The following ST6GALNAC3 variants were observed in gnomAD, a reference collection of about 807,000 sequenced individuals.
ST6GALNAC3 encodes alpha-N-acetylgalactosaminide alpha-2,6-sialyltransferase 3.
ST6GALNAC3 carries 25 observed loss-of-function variants against 32.7 expected under a neutral mutation model. The observed-to-expected ratio is 0.76, with a 90% confidence interval of 0.56 to 1.07. ST6GALNAC3 has a LOEUF of 1.07. ST6GALNAC3 is among the 50% of genes least tolerant of loss of function. The pLI, the probability that ST6GALNAC3 is intolerant of heterozygous loss-of-function variation, is 0.00. For synonymous variants in ST6GALNAC3, 129 were observed against 133.1 expected, an observed-to-expected ratio of 0.97 and a Z score of 0.21; for missense variants, 355 against 382.4, an observed-to-expected ratio of 0.93 and a Z score of 0.60.
At chr1:76,621,384 A>G (rs1387843973) in intron 3 of ST6GALNAC3, among the ~76,000 whole-genome samples, 2 of 151,998 alleles carry the variant, frequency 1.3e-5, no homozygotes, top group African/African-American at 4.8e-5. Context: ...TGATGTTTTT[A>G]TTTATTTGAA....
At chr1:76,242,153 G>T (rs1405979137) in intron 1 of ST6GALNAC3, among the ~76,000 whole-genome samples, 1 of 152,074 alleles carries the variant, frequency 6.6e-6, no homozygotes, top group Non-Finnish European at 1.5e-5. Flanking sequence ...ACAATCACAG[G>T]CTATATGGCT....
intron 3 of ST6GALNAC3, among the ~76,000 whole-genome samples, chr1:76,520,490 A>C (rs1259610509): frequency 6.6e-6 from 1 of 151,598 alleles, no homozygotes; most frequent in Non-Finnish European, 1.5e-5. Context: ...ACACACATAC[A>C]CACACACACA....
intron 1 of ST6GALNAC3, among the ~76,000 whole-genome samples, chr1:76,135,571 G>T (rs1042390496): frequency 6.6e-6 from 1 of 152,178 alleles, no homozygotes; most frequent in African/African-American, 2.4e-5. Flanking sequence ...AAAATTCATT[G>T]GACATGGGGC....
chr1:76,618,823 C>T (rs1021647536), intron 3 of ST6GALNAC3, among the ~76,000 whole-genome samples: 2 of 152,108 alleles, frequency 1.3e-5, no homozygotes, highest in African/African-American at 4.8e-5. Flanking sequence ...GTTGACTCTT[C>T]GCATATTATA....
chr1:76,355,996 T>A (rs1394873055), intron 2 of ST6GALNAC3, among the ~76,000 whole-genome samples: 1 of 152,174 alleles, frequency 6.6e-6, no homozygotes. Context: ...CAAAGTGATA[T>A]TTTATAGGCA....
rs147021451 is a variant in ST6GALNAC3, at chr1:76,320,985, T to TTA, written c.213+7003_213+7004dup. Among the ~76,000 whole-genome samples, 926 of 144,766 alleles carry TTA rather than the reference T, an allele frequency of 6.4e-3. 5 individuals carry two copies. Among genetic ancestry groups the TTA allele is most frequent in the African/African-American group, 0.017 (677 of 39,216 alleles). 95.0% of individuals were successfully genotyped at this position (144,766 alleles called of 152,430 possible). On this transcript the variant is annotated intron_variant, in intron 2 of 4. Coordinates refer to ENST00000328299, the MANE Select transcript of ST6GALNAC3 (RefSeq NM_152996.4). The stretch of plus-strand genomic sequence containing the variant: ...ATATACACACACACACACACACACA[T>TTA]TATATATATATATATATAGTCAGGT...
intron 3 of ST6GALNAC3, among the ~76,000 whole-genome samples, chr1:76,428,183 C>T (rs536420566): frequency 6.6e-5 from 10 of 152,132 alleles, no homozygotes; most frequent in African/African-American, 1.2e-4. Context: ...ATGAATCATA[C>T]GGTTCATCAG....
chr1:76,591,414 G>A (rs921003271), intron 3 of ST6GALNAC3, among the ~76,000 whole-genome samples: 4 of 152,112 alleles, frequency 2.6e-5, no homozygotes, highest in Non-Finnish European at 4.4e-5. Context: ...TGTGTGTGTG[G>A]TGGAGGGTCC....
chr1:76,313,648 C>T (rs1458108816), intron 1 of ST6GALNAC3, 157 bp from the exon 2 acceptor site: 1 of 884,648 alleles, frequency 1.1e-6, no homozygotes, highest in Non-Finnish European at 1.8e-6. Flanking sequence ...AATTTGGTCA[C>T]CAAATAATTA....
rs1020418929 is a variant in ST6GALNAC3 at position 76,411,937 on chromosome 1, G to A, written c.214-71G>A. 2.7e-6 allele frequency: 4 copies of A among 1,509,266 alleles called. No individual in the cohort carries two copies. The African/African-American group carries it at 5.6e-5, about 21-fold the overall frequency. 93.5% of individuals were successfully genotyped at this position (1,509,266 alleles called of 1,614,324 possible). On this transcript the variant is annotated intron_variant, in intron 2 of 4. Transcript: ENST00000328299. ...GTAATTATACAATATATGAACTTTT[G>A]TTTTCCCATAGGAACTTGTTTGACT...
At chr1:76,467,477 A>G (rs7540736) in intron 3 of ST6GALNAC3, among the ~76,000 whole-genome samples, 54,534 of 151,928 alleles carry the variant, frequency 0.36, 15,410 homozygotes, top group African/African-American at 0.8. Flanking sequence ...ACTGGGGATT[A>G]GTTAAATAAA....
intron 1 of ST6GALNAC3, among the ~76,000 whole-genome samples, chr1:76,265,390 A>C (rs1016003984): frequency 2.6e-5 from 4 of 152,178 alleles, no homozygotes; most frequent in African/African-American, 9.7e-5. Context: ...AATCAAGACT[A>C]CAAAATTCAA....
chr1:76,346,952 G>C (rs1648569707), intron 2 of ST6GALNAC3, among the ~76,000 whole-genome samples: 1 of 152,096 alleles, frequency 6.6e-6, no homozygotes, highest in African/African-American at 2.4e-5. Context: ...AGTTGAAATT[G>C]TATCTGTTAA....
intron 2 of ST6GALNAC3, among the ~76,000 whole-genome samples, chr1:76,404,362 C>T (rs929332929): frequency 1.3e-5 from 2 of 152,068 alleles, no homozygotes; most frequent in Non-Finnish European, 2.9e-5. Context: ...GCAGAACAGT[C>T]TTCACAATTC....
chr1:76,468,810 GA>G (rs1285320460), intron 3 of ST6GALNAC3, among the ~76,000 whole-genome samples: 7 of 152,022 alleles, frequency 4.6e-5, no homozygotes, highest in Admixed American at 2.6e-4. Flanking sequence ...AAAACTATGA[GA>G]ATTTCTCCTC....
intron 1 of ST6GALNAC3, among the ~76,000 whole-genome samples, chr1:76,222,115 A>G (rs72998518): frequency 3.4e-4 from 52 of 152,218 alleles, no homozygotes; most frequent in African/African-American, 1.3e-3. Flanking sequence ...TCTATCTCTA[A>G]GCATTAAAAA....
chr1:76,498,009 C>T (rs948464193), intron 3 of ST6GALNAC3, among the ~76,000 whole-genome samples: 5 of 152,182 alleles, frequency 3.3e-5, no homozygotes, highest in Admixed American at 2.6e-4. Flanking sequence ...TTGTTACATA[C>T]CTAGGTCACC....
chr1:76,105,755 C>T (rs1490296114), intron 1 of ST6GALNAC3, among the ~76,000 whole-genome samples: 2 of 152,098 alleles, frequency 1.3e-5, no homozygotes, highest in South Asian at 2.1e-4. Flanking sequence ...TTTGACCACT[C>T]GAGGCATATA....
At chr1:76,204,790 C>A (rs1654729401) in intron 1 of ST6GALNAC3, among the ~76,000 whole-genome samples, 3 of 152,104 alleles carry the variant, frequency 2.0e-5, no homozygotes, top group African/African-American at 7.2e-5. Context: ...TACTGGTAGT[C>A]TCAAGAAAAT....
Sources: gnomAD v4.1 joint callset for allele counts (sites outside exome capture counted in the v4.1 genomes callset) on GRCh38, gnomAD v4.1.1 for gene constraint, MANE v1.5 for transcripts, NCBI Gene and HGNC (gene_info 2026-07-23, HGNC 2026-07-21) for gene names.